The following LAMA3 variants were observed in gnomAD, a reference collection of about 807,000 sequenced individuals.
LAMA3 encodes laminin subunit alpha-3.
LAMA3 carries 281 observed loss-of-function variants against 402.0 expected under a neutral mutation model. That is an observed-to-expected ratio of 0.70 (90% confidence interval 0.63 to 0.77). LAMA3 has a LOEUF of 0.77. LAMA3 is among the 30% of genes least tolerant of loss of function. The pLI, the probability that LAMA3 is intolerant of heterozygous loss-of-function variation, is 0.00. For missense variants in LAMA3, 3,840 were observed against 4,215.5 expected (o/e 0.91, Z 2.47); for synonymous variants, 1,431 against 1,558.4 (o/e 0.92, Z 1.93).
chr18:23,707,922 T>TA (rs1316858244), intron 1 of LAMA3, among the ~76,000 whole-genome samples: 1 of 152,196 alleles, frequency 6.6e-6, no homozygotes, highest in East Asian at 1.9e-4. Flanking sequence ...AATTTTAACA[T>TA]AGTCAGATTT....
chr18:23,940,928 C>T lies in LAMA3; in HGVS notation c.9026+1542C>T, dbSNP rs1167187104. Among the ~76,000 whole-genome samples the T allele has an allele frequency of 1.4e-4, 20 of 138,338 alleles. No individual in the cohort carries two copies. The Admixed American group carries it at 1.5e-3, about 10-fold the overall frequency. The allele number at this position is 138,338 out of a possible 152,430, so 90.8% of individuals were successfully genotyped here. A position where few individuals can be genotyped will look rare whatever the true frequency, so the allele number is the denominator to read the frequency against. ...GCTGACCTTAATGACAATGACCTCC[C>T]TCTTTCTTTTCTTTTTTTTTTTTTT... On this transcript the variant is annotated intron_variant, in intron 68 of 74. Coordinates refer to ENST00000313654, the MANE Select transcript of LAMA3 (RefSeq NM_198129.4).
At chr18:23,841,332 A>T (rs2063697628) in intron 27 of LAMA3, among the ~76,000 whole-genome samples, 1 of 152,208 alleles carries the variant, frequency 6.6e-6, no homozygotes, top group Non-Finnish European at 1.5e-5. Flanking sequence ...TTACTCAAAA[A>T]GTGAGGCTTT....
At chr18:23,851,447 A>T (rs2063942969) in intron 32 of LAMA3, among the ~76,000 whole-genome samples, 1 of 152,156 alleles carries the variant, frequency 6.6e-6, no homozygotes, top group Admixed American at 6.5e-5. Flanking sequence ...GACCTCAGGT[A>T]TATTACTTCT....
chr18:23,935,433 G>A (rs1296601090), intron 67 of LAMA3, among the ~76,000 whole-genome samples: 1 of 152,164 alleles, frequency 6.6e-6, no homozygotes. Flanking sequence ...AAACGTCAGC[G>A]AATACACTTT....
intron 60 of LAMA3, among the ~76,000 whole-genome samples, chr18:23,916,957 G>A (rs964593375): frequency 1.3e-5 from 2 of 151,318 alleles, no homozygotes; most frequent in African/African-American, 4.9e-5. Flanking sequence ...TTGGTGCACA[G>A]ATTATTTTAT....
At chr18:23,709,432 C>T (rs1420904838) in intron 1 of LAMA3, among the ~76,000 whole-genome samples, 2 of 152,050 alleles carry the variant, frequency 1.3e-5, no homozygotes, top group Non-Finnish European at 2.9e-5. Flanking sequence ...AGTTTTATTT[C>T]GTTTATTCCA....
chr18:23,903,185 A>G, intron 49 of LAMA3, 60 bp downstream of exon 49: 1 of 1,078,008 alleles, frequency 9.3e-7, no homozygotes, highest in Non-Finnish European at 1.4e-6. Flanking sequence ...ATTGTGAGAA[A>G]ACAATGAAAT....
At chr18:23,743,778 G>A (rs187037883) in intron 2 of LAMA3, among the ~76,000 whole-genome samples, 11 of 152,178 alleles carry the variant, frequency 7.2e-5, no homozygotes, top group Admixed American at 3.3e-4. Context: ...ACAAAAGCAC[G>A]TGGAGAGATT....
Position 23,689,604 on chromosome 18 carries a change from C to A in LAMA3, c.-80C>A. On this transcript the variant is annotated 5_prime_UTR_variant, in exon 1 of 75. Coordinates refer to ENST00000313654, the MANE Select transcript of LAMA3 (RefSeq NM_198129.4). ...CTGCGCTAGTCCTGGCGCTGCAGGT[C>A]CGGGAGGCGCAGGCGGAGAGCGGCG... The A allele has an allele frequency of 1.7e-6, 2 of 1,199,496 alleles. No individual in the cohort carries two copies. Among genetic ancestry groups the A allele is most frequent in the Non-Finnish European group, 2.1e-6 (2 of 959,872 alleles). The allele number at this position is 1,199,496 out of a possible 1,614,324, so 74.3% of individuals were successfully genotyped here. A position where few individuals can be genotyped will look rare whatever the true frequency, so the allele number is the denominator to read the frequency against.
chr18:23,781,841 G>C (rs1204701115), intron 11 of LAMA3, among the ~76,000 whole-genome samples: 2 of 152,196 alleles, frequency 1.3e-5, no homozygotes, highest in Non-Finnish European at 2.9e-5. Context: ...TGCTTCTAAA[G>C]TGCCTTTGCT....
In LAMA3 at chr18:23,912,897, A is replaced by ACATCTCTC. The variant is rs750550962; in HGVS notation, c.7329+17_7329+24dup. The ACATCTCTC allele has an allele frequency of 2.4e-5, 38 of 1,608,596 alleles. No individual in the cohort carries two copies. Among genetic ancestry groups the ACATCTCTC allele is most frequent in the Non-Finnish European group, 3.1e-5 (37 of 1,176,104 alleles). On this transcript the variant is annotated intron_variant, in intron 56 of 74. Transcript: ENST00000313654. ...AAATAAAGATGTAAGTATTGCTTGGACATCTCTCTTGTTTTTGAAACAATG... is the reference window on the plus strand; with the variant it reads ...AAATAAAGATGTAAGTATTGCTTGGACATCTCTCCATCTCTCTTGTTTTTGAAACAATG...
rs1292639615 is a variant in LAMA3, at chr18:23,930,595, A to ACC, written c.8437-467_8437-466insCC. Among the ~76,000 whole-genome samples, 7 of 152,132 alleles carry ACC rather than the reference A, an allele frequency of 4.6e-5. No homozygotes were observed. In the South Asian group the frequency reaches 1.4e-3, roughly 31 times the overall value. ...AGATCCTGTCTCTACAAAAAATTACAAACTTAGCCGGCTGTGGTGGTGTGC... is the reference window on the plus strand; with the variant it reads ...AGATCCTGTCTCTACAAAAAATTACACCAACTTAGCCGGCTGTGGTGGTGTGC... On this transcript the variant is annotated intron_variant, in intron 64 of 74. Coordinates refer to ENST00000313654, the MANE Select transcript of LAMA3 (RefSeq NM_198129.4).
At chr18:23,910,475 T>C (rs2081390973) in intron 55 of LAMA3, among the ~76,000 whole-genome samples, 1 of 152,322 alleles carries the variant, frequency 6.6e-6, no homozygotes, top group East Asian at 1.9e-4. Context: ...GGCACTTCTT[T>C]GGGTGCTGAG....
chr18:23,774,409 G>A (rs1435232953), intron 9 of LAMA3, among the ~76,000 whole-genome samples: 1 of 152,134 alleles, frequency 6.6e-6, no homozygotes, highest in Non-Finnish European at 1.5e-5. Context: ...TTGTATTATT[G>A]TCCTCATTTT....
chr18:23,798,049 C>A (rs1317719944), intron 12 of LAMA3, among the ~76,000 whole-genome samples: 1 of 152,120 alleles, frequency 6.6e-6, no homozygotes, highest in Non-Finnish European at 1.5e-5. Context: ...GGGGTTTACT[C>A]TTCCCTCTTT....
intron 2 of LAMA3, among the ~76,000 whole-genome samples, chr18:23,739,574 T>C (rs945550152): frequency 1.3e-5 from 2 of 152,172 alleles, no homozygotes; most frequent in African/African-American, 4.8e-5. Context: ...AAGAAAGATG[T>C]AACAGAAGGA....
intron 32 of LAMA3, among the ~76,000 whole-genome samples, chr18:23,856,304 A>C (rs914956918): frequency 1.3e-5 from 2 of 152,256 alleles, no homozygotes; most frequent in African/African-American, 4.8e-5. Flanking sequence ...TAACTTTTTT[A>C]GGATGGTCAC....
At chr18:23,954,079 G>C (rs916084499) in intron 74 of LAMA3, among the ~76,000 whole-genome samples, 1 of 152,282 alleles carries the variant, frequency 6.6e-6, no homozygotes, top group Middle Eastern at 3.4e-3. Flanking sequence ...AGTGGGCTGA[G>C]ATGTGAAGTC....
intron 1 of LAMA3, among the ~76,000 whole-genome samples, chr18:23,695,397 A>G (rs774992800): frequency 3.3e-5 from 5 of 152,202 alleles, no homozygotes; most frequent in Non-Finnish European, 5.9e-5. Flanking sequence ...GGGACCCTGC[A>G]TGAGGCTCTG....
Sources: gnomAD v4.1 joint callset for allele counts (sites outside exome capture counted in the v4.1 genomes callset) on GRCh38, gnomAD v4.1.1 for gene constraint, MANE v1.5 for transcripts, NCBI Gene and HGNC (gene_info 2026-07-23, HGNC 2026-07-21) for gene names.